Variants in AGBL1 observed in about 807,000 individuals in gnomAD.
The protein encoded by AGBL1 is AGBL carboxypeptidase 1, also known as cytosolic carboxypeptidase 4.
A neutral mutation model predicts 118.9 loss-of-function variants in AGBL1; 130 were observed. That is an observed-to-expected ratio of 1.09 (90% CI 0.95 to 1.26). The LOEUF (loss-of-function observed/expected upper bound fraction) is 1.26. Among genes scored for constraint, AGBL1 ranks in the 50% most tolerant of loss-of-function variants. The pLI, the probability that AGBL1 is intolerant of heterozygous loss-of-function variation, is 0.00. For missense variants in AGBL1, 1,584 were observed against 1,298.1 expected, an observed-to-expected ratio of 1.22 and a Z score of -3.38; for synonymous variants, 555 against 478.9, an observed-to-expected ratio of 1.16 and a Z score of -2.08.
intron 24 of AGBL1, among the ~76,000 whole-genome samples, chr15:87,005,907 T>G (rs2081495277): frequency 6.6e-6 from 1 of 152,226 alleles, no homozygotes; most frequent in East Asian, 1.9e-4. Context: ...AGTTTTCCTT[T>G]TAACACTCAG....
intron 21 of AGBL1, chr15:86,630,614 C>T (rs940442170): frequency 3.9e-5 from 6 of 152,368 alleles, no homozygotes; most frequent in African/African-American, 1.2e-4. Context: ...TTTGAGTTGT[C>T]TTAATTCCTT....
At chr15:86,126,894 C>G (rs920867086) in intron 1 of AGBL1, among the ~76,000 whole-genome samples, 1 of 152,202 alleles carries the variant, frequency 6.6e-6, no homozygotes, top group Non-Finnish European at 1.5e-5. Flanking sequence ...GGGAAACATT[C>G]TGCTTTGAAG....
chr15:86,808,890 C>A (rs2078752797), intron 22 of AGBL1, among the ~76,000 whole-genome samples: 1 of 151,998 alleles, frequency 6.6e-6, no homozygotes, highest in South Asian at 2.1e-4. Flanking sequence ...TGGATTTTCT[C>A]TTTTTTTCTG....
intron 24 of AGBL1, among the ~76,000 whole-genome samples, chr15:86,997,890 GACACACACACACACACACACACACACAC>G (rs3030280): frequency 2.1e-5 from 3 of 145,830 alleles, no homozygotes; most frequent in South Asian, 2.3e-4. Context: ...ACATGTGGAA[GACACACACACACACACACACACACACAC>G]ACACACACAC....
chr15:86,726,654 T>A (rs2086822854), intron 22 of AGBL1, among the ~76,000 whole-genome samples: 2 of 152,148 alleles, frequency 1.3e-5, no homozygotes, highest in South Asian at 2.1e-4. Context: ...CTCAACCTCC[T>A]GGGCTCAAGC....
chr15:86,355,796 A>G (rs540053533), intron 17 of AGBL1, among the ~76,000 whole-genome samples: 2 of 152,204 alleles, frequency 1.3e-5, no homozygotes, highest in Non-Finnish European at 2.9e-5. Flanking sequence ...CACTGGGCCT[A>G]TCCTTTTCTC....
chr15:86,500,619 C>T (rs528163866), intron 18 of AGBL1, among the ~76,000 whole-genome samples: 3 of 151,656 alleles, frequency 2.0e-5, no homozygotes, highest in African/African-American at 7.2e-5. Context: ...CAATTTTCAT[C>T]TCCCCAAAAG....
At chr15:86,187,140 C>T (rs1431439516) in intron 5 of AGBL1, among the ~76,000 whole-genome samples, 6 of 152,118 alleles carry the variant, frequency 3.9e-5, no homozygotes. Context: ...CAACACACAC[C>T]CCCATCCACA....
intron 5 of AGBL1, among the ~76,000 whole-genome samples, chr15:86,206,523 G>T (rs552905231): frequency 3.3e-5 from 5 of 152,270 alleles, no homozygotes; most frequent in African/African-American, 4.8e-5. Flanking sequence ...GTGTGAGATG[G>T]TATCTCATTG....
intron 24 of AGBL1, among the ~76,000 whole-genome samples, chr15:86,995,991 G>T (rs1302211580): frequency 6.6e-6 from 1 of 152,018 alleles, no homozygotes; most frequent in African/African-American, 2.4e-5. Flanking sequence ...TCTTCACTTG[G>T]ATGAGTTTGC....
intron 22 of AGBL1, among the ~76,000 whole-genome samples, chr15:86,729,701 A>G (rs2077502829): frequency 6.6e-6 from 1 of 152,116 alleles, no homozygotes; most frequent in African/African-American, 2.4e-5. Flanking sequence ...TTGACTCCAT[A>G]TCTTTGCTAT....
At chr15:86,654,119 C>A (rs1435209074) in intron 21 of AGBL1, among the ~76,000 whole-genome samples, 1 of 152,002 alleles carries the variant, frequency 6.6e-6, no homozygotes, top group African/African-American at 2.4e-5. Context: ...TTATTCTGAG[C>A]CACAAACTCA....
At chr15:86,699,727 T>C (rs1057225494) in intron 22 of AGBL1, among the ~76,000 whole-genome samples, 2 of 152,056 alleles carry the variant, frequency 1.3e-5, no homozygotes, top group Non-Finnish European at 2.9e-5. Flanking sequence ...TGAGCACATG[T>C]GGTTGATTTG....
At chr15:86,163,309 G>A (rs1266851761) in intron 5 of AGBL1, among the ~76,000 whole-genome samples, 3 of 152,166 alleles carry the variant, frequency 2.0e-5, no homozygotes, top group Admixed American at 2.0e-4. Context: ...CACACCTGTA[G>A]TCCCAGCTAC....
intron 18 of AGBL1, among the ~76,000 whole-genome samples, chr15:86,509,947 T>TTTA (rs1491524633): frequency 7.5e-4 from 18 of 23,902 alleles, no homozygotes; most frequent in Non-Finnish European, 1.3e-3. Context: ...CTGAAGCTCA[T>TTTA]TTTTTTTTTT....
chr15:86,715,351 C>T (rs1037381617), intron 22 of AGBL1, among the ~76,000 whole-genome samples: 6 of 152,206 alleles, frequency 3.9e-5, no homozygotes, highest in Admixed American at 3.3e-4. Flanking sequence ...ATGGACTGCT[C>T]TTTGGTATTG....
chr15:86,217,329 G>T (rs2078206177), intron 5 of AGBL1, among the ~76,000 whole-genome samples: 1 of 152,192 alleles, frequency 6.6e-6, no homozygotes, highest in Non-Finnish European at 1.5e-5. Flanking sequence ...TCTTAGACCA[G>T]TGCCTAGCTT....
At chr15:86,335,794 C>T (rs180717414) in intron 17 of AGBL1, among the ~76,000 whole-genome samples, 1 of 152,272 alleles carries the variant, frequency 6.6e-6, no homozygotes, top group East Asian at 1.9e-4. Flanking sequence ...GGAATAGTTT[C>T]AAGAGTGTTA....
chr15:86,549,480 G>T (rs982009501), intron 20 of AGBL1, among the ~76,000 whole-genome samples: 1 of 151,826 alleles, frequency 6.6e-6, no homozygotes, highest in African/African-American at 2.4e-5. Flanking sequence ...AAAAAAGAAA[G>T]AAATATTCTG....
Sources: allele counts gnomAD v4.1 joint callset (sites outside exome capture counted in the v4.1 genomes callset), GRCh38; gene constraint gnomAD v4.1.1; transcripts MANE v1.5; gene names NCBI Gene and HGNC (gene_info 2026-07-23, HGNC 2026-07-21).